The following NUP153 variants were observed in gnomAD, a reference collection of about 807,000 sequenced individuals.
NUP153 encodes nuclear pore complex protein Nup153.
In NUP153, 27 loss-of-function variants were observed where a neutral mutation model predicts 134.6. The observed-to-expected ratio is 0.20, with a 90% confidence interval of 0.15 to 0.28. NUP153 has a LOEUF of 0.28. Among genes scored for constraint, NUP153 ranks in the 10% least tolerant of loss-of-function variants. The pLI is 1.00. For missense variants in NUP153, 1,821 were observed against 1,731.3 expected (o/e 1.05, Z -0.92); for synonymous variants, 640 against 623.5 (o/e 1.03, Z -0.40).
Position 17,624,603 on chromosome 6 carries a change from G to A in NUP153, c.4132C>T (p.Pro1378Ser). 1 of 1,614,178 alleles carries A rather than the reference G, an allele frequency of 6.2e-7. No homozygotes were observed. The highest frequency in any genetic ancestry group is 1.6e-4 in the Middle Eastern group (1 of 6,062). ...SSQPPVFGQQ[P>S]SQSAFGSGTT... ...CCAGAGCCAAATGCAGACTGACTAG[G>A]TTGCTGTCCAAACACAGGGGGCTGG... Residue 1378 changes from proline (P) to serine (S), a missense_variant, in exon 20 of 22, where the codon CCT becomes TCT. By Grantham distance (74) the Pro-to-Ser change is moderately conservative (BLOSUM62 -1). Coordinates refer to ENST00000262077, the MANE Select transcript of NUP153 (RefSeq NM_005124.4).
At chr6:17,663,340 T>C (rs998277781) in intron 9 of NUP153, among the ~76,000 whole-genome samples, 1 of 152,040 alleles carries the variant, frequency 6.6e-6, no homozygotes, top group African/African-American at 2.4e-5. Context: ...CAGTTCACTT[T>C]AGCCTCGAAC....
chr6:17,673,131 G>A (rs1159871715), intron 5 of NUP153, among the ~76,000 whole-genome samples: 1 of 152,210 alleles, frequency 6.6e-6, no homozygotes, highest in Non-Finnish European at 1.5e-5. Context: ...CACTTTGGGA[G>A]GCCAACGCGG....
intron 1 of NUP153, among the ~76,000 whole-genome samples, chr6:17,696,613 G>A (rs557000441): frequency 3.9e-5 from 6 of 152,174 alleles, no homozygotes; most frequent in South Asian, 2.1e-4. Flanking sequence ...AAATTAGCTG[G>A]GTGTGGTGGT....
intron 2 of NUP153, among the ~76,000 whole-genome samples, chr6:17,683,233 A>G (rs1386558736): frequency 3.9e-5 from 6 of 152,122 alleles, no homozygotes; most frequent in Admixed American, 3.9e-4. Flanking sequence ...GAAACTCAAC[A>G]AATGTTCTTA....
intron 11 of NUP153, among the ~76,000 whole-genome samples, chr6:17,651,242 G>A (rs1211678278): frequency 2.0e-5 from 3 of 152,134 alleles, no homozygotes; most frequent in South Asian, 2.1e-4. Flanking sequence ...GTTCGAGGCT[G>A]TAGTGGGCCA....
chr6:17,706,340 G>A lies in NUP153; in HGVS notation c.48C>T (p.Ile16=). The A allele has an allele frequency of 6.2e-7, 1 of 1,613,494 alleles. No individual in the cohort carries two copies. Among genetic ancestry groups the A allele is most frequent in the Non-Finnish European group, 8.5e-7 (1 of 1,179,770 alleles). ...GCCCCTGGTGGCAACGCCGCGTCCG[G>A]ATCTTGCCGCCACCGCCCCCTCCGA... is the stretch of plus-strand genomic sequence containing the variant. ...GGVGGGGGGK[I]RTRRCHQGPI... Residue 16 remains isoleucine, a synonymous_variant, in exon 1 of 22, where the codon ATC becomes ATT. Coordinates refer to ENST00000262077, the MANE Select transcript of NUP153 (RefSeq NM_005124.4). This position sits in a 1 kb window ranked among gnomAD's most constrained non-coding sequence, Gnocchi z 5.9.
chr6:17,688,750 G>T (rs961508201), intron 1 of NUP153, 132 bp from the exon 2 acceptor site: 3 of 638,130 alleles, frequency 4.7e-6, no homozygotes, highest in Non-Finnish European at 8.2e-6. Flanking sequence ...AGTTACTACA[G>T]TTACTGCTAA....
chr6:17,673,453 C>A (rs2113832202), intron 5 of NUP153, among the ~76,000 whole-genome samples: 1 of 152,116 alleles, frequency 6.6e-6, no homozygotes, highest in South Asian at 2.1e-4. Context: ...AGTATTTGTA[C>A]CCTGAAAAAT....
rs1768491002 is a variant in NUP153 at position 17,680,134 on chromosome 6, C to G, written c.335-4364G>C. On this transcript the variant is annotated intron_variant, in intron 2 of 21. Transcript: ENST00000262077. This position sits in a 1 kb window ranked among gnomAD's most constrained non-coding sequence, Gnocchi z 4.5. ...TCCTTGAGCCTCACCTCCACTGTTT[C>G]CCTTGCGCTCAAGCACAAGCCCTGA... Among the ~76,000 whole-genome samples, 1 of 152,190 alleles carries G rather than the reference C, an allele frequency of 6.6e-6. No individual in the cohort carries two copies.
Position 17,625,457 on chromosome 6 carries a change from G to A in NUP153, c.3901+351C>T, listed in dbSNP as rs1282091785. 6.6e-6 allele frequency among the ~76,000 whole-genome samples: 1 copy of A among 152,186 alleles called. No individual in the cohort carries two copies. Among genetic ancestry groups the A allele is most frequent in the Non-Finnish European group, 1.5e-5 (1 of 68,032 alleles). The stretch of plus-strand genomic sequence containing the variant: ...AGGCAGGAGAATTGCTTGAACTCGG[G>A]AGAGGCAGGTTGCAGTGAGCTGAGA... On this transcript the variant is annotated intron_variant, in intron 19 of 21. Coordinates refer to ENST00000262077, the MANE Select transcript of NUP153 (RefSeq NM_005124.4). This position sits in a 1 kb window ranked among gnomAD's most constrained non-coding sequence, Gnocchi z 4.7.
intron 13 of NUP153, among the ~76,000 whole-genome samples, chr6:17,646,918 C>CTTTT (rs376244443): frequency 8.4e-5 from 11 of 131,086 alleles, no homozygotes; most frequent in Non-Finnish European, 1.3e-4. Flanking sequence ...TCTGTATTTT[C>CTTTT]TTTTTTTTTT....
In NUP153 at chr6:17,638,447, TAGA is replaced by T. The variant is rs969964193; in HGVS notation, c.1847-680_1847-678del. On this transcript the variant is annotated intron_variant, in intron 15 of 21. Coordinates refer to ENST00000262077, the MANE Select transcript of NUP153 (RefSeq NM_005124.4). This position sits in a 1 kb window ranked among gnomAD's most constrained non-coding sequence, Gnocchi z 4.0. ...AAAGAAATTAAAAGGAGAGAAGATGTAGAAGGTTATTAGAGGTTTTCTAGTTCC... is the reference window on the plus strand; with the variant it reads ...AAAGAAATTAAAAGGAGAGAAGATGTAGGTTATTAGAGGTTTTCTAGTTCC... 5.1e-4 allele frequency among the ~76,000 whole-genome samples: 77 copies of T among 152,202 alleles called. 2 individuals are homozygous for T. The highest frequency in any genetic ancestry group is 5.0e-3 in the Admixed American group (77 of 15,280).
At chr6:17,642,491 CAA>C (rs997857543) in intron 14 of NUP153, among the ~76,000 whole-genome samples, 15 of 152,088 alleles carry the variant, frequency 9.9e-5, no homozygotes, top group African/African-American at 3.1e-4. Context: ...AAATGCAAAT[CAA>C]AACTACAACA....
intron 2 of NUP153, among the ~76,000 whole-genome samples, chr6:17,677,285 T>TA (rs1768275918): frequency 6.6e-6 from 1 of 151,808 alleles, no homozygotes; most frequent in Admixed American, 6.6e-5. Flanking sequence ...AACTGCCTGC[T>TA]AAAAACAAGA....
rs1020062447 is a variant in NUP153, at chr6:17,680,903, T to C, written c.335-5133A>G. ...AAAAACTAAAAGTAGAACCACAATA[T>C]GATCCAACAATCCCACTGCTGGGTA... On this transcript the variant is annotated intron_variant, in intron 2 of 21. Transcript: ENST00000262077. This position sits in a 1 kb window ranked among gnomAD's most constrained non-coding sequence, Gnocchi z 4.5. Among the ~76,000 whole-genome samples, 4 of 152,204 alleles carry C rather than the reference T, an allele frequency of 2.6e-5. No individual in the cohort carries two copies. Among genetic ancestry groups the C allele is most frequent in the African/African-American group, 7.2e-5 (3 of 41,440 alleles).
chr6:17,656,763 A>G (rs531575056), intron 11 of NUP153, among the ~76,000 whole-genome samples: 16 of 152,314 alleles, frequency 1.1e-4, no homozygotes, highest in African/African-American at 3.4e-4. Flanking sequence ...TTTAGGGGGT[A>G]GATTCTGGGG....
chr6:17,702,663 C>T (rs966523064), intron 1 of NUP153, among the ~76,000 whole-genome samples: 20 of 151,278 alleles, frequency 1.3e-4, no homozygotes, highest in African/African-American at 4.9e-4. Context: ...GCAACAGATG[C>T]AAAACTCCGT....
chr6:17,645,009 T>C (rs1374374065), intron 14 of NUP153, among the ~76,000 whole-genome samples: 1 of 151,916 alleles, frequency 6.6e-6, no homozygotes, highest in Non-Finnish European at 1.5e-5. Context: ...GGCATGAACC[T>C]GGGAGGCGGA....
chr6:17,693,526 G>A (rs976803208), intron 1 of NUP153, among the ~76,000 whole-genome samples: 2 of 152,118 alleles, frequency 1.3e-5, no homozygotes, highest in African/African-American at 4.8e-5. Context: ...TGGTCTCTGG[G>A]TATCTTGCTA....
Sources: gnomAD v4.1 joint callset for allele counts (sites outside exome capture counted in the v4.1 genomes callset) on GRCh38, gnomAD v4.1.1 for gene constraint, Gnocchi (gnomAD v3.1) non-coding constraint, MANE v1.5 for transcripts, NCBI Gene and HGNC (gene_info 2026-07-23, HGNC 2026-07-21) for gene names.